Variants in TRANK1 observed in about 807,000 individuals in gnomAD.
TRANK1 encodes TPR and ankyrin repeat-containing protein 1.
In TRANK1, 198 loss-of-function variants were observed where a neutral mutation model predicts 266.0. The observed-to-expected ratio is 0.74, with a 90% confidence interval of 0.66 to 0.84. The LOEUF is 0.84. TRANK1 is among the 40% of genes least tolerant of loss of function. The probability of loss-of-function intolerance (pLI) is 0.00; values close to 1 mark genes in which losing one functional copy is unlikely to be tolerated. For synonymous variants in TRANK1, 1,396 were observed against 1,384.1 expected (o/e 1.01, Z -0.19); for missense variants, 3,326 against 3,634.6 (o/e 0.92, Z 2.18).
Position 36,851,790 on chromosome 3 carries a change from G to A in TRANK1, c.4816C>T (p.Leu1606=). The A allele has an allele frequency of 6.2e-7, 1 of 1,612,328 alleles. No individual in the cohort carries two copies. Among genetic ancestry groups the A allele is most frequent in the African/African-American group, 1.3e-5 (1 of 75,014 alleles). ...IPEELGLALV[L]TIYEAKGLEF... ...AAGCCTTTTGCTTCATAAATTGTTA[G>A]CACAAGTGCTAACCCCAGCTCTTCT... is the stretch of plus-strand genomic sequence containing the variant. Residue 1606 remains leucine (L), a synonymous_variant, in exon 15 of 24, where the codon CTA becomes TTA. Transcript: ENST00000645898.
chr3:36,879,105 G>C (rs1045554190), intron 8 of TRANK1, among the ~76,000 whole-genome samples: 1 of 151,550 alleles, frequency 6.6e-6, no homozygotes, highest in Admixed American at 6.6e-5. Context: ...CAGAATGATG[G>C]CATATTAGAA....
chr3:36,897,159 G>A (rs953461798), intron 4 of TRANK1, among the ~76,000 whole-genome samples: 8 of 150,908 alleles, frequency 5.3e-5, no homozygotes, highest in African/African-American at 9.8e-5. Context: ...AAAATTAGCC[G>A]GACGTGGTGG....
chr3:36,899,273 A>G lies in TRANK1; in HGVS notation c.283-14T>C. The G allele has an allele frequency of 1.3e-6, 2 of 1,535,962 alleles. No homozygotes were observed. The highest frequency in any genetic ancestry group is 1.2e-5 in the South Asian group (1 of 83,874). On this transcript the variant is annotated splice_polypyrimidine_tract_variant and intron_variant, in intron 3 of 23. Transcript: ENST00000645898. ...TCGGTAGTATCCCTGGAACAGGATA[A>G]AAAGCAAAACTGTCATGTACCACAT... is the stretch of plus-strand genomic sequence containing the variant.
chr3:36,899,786 G>A (rs547939633), intron 3 of TRANK1, among the ~76,000 whole-genome samples: 1 of 152,326 alleles, frequency 6.6e-6, no homozygotes, highest in Non-Finnish European at 1.5e-5. Flanking sequence ...GACTTACATA[G>A]CATCTAACAT....
Position 36,872,323 on chromosome 3 carries a change from C to T in TRANK1, c.1078+1803G>A, listed in dbSNP as rs879339853. Among the ~76,000 whole-genome samples, 10 of 152,218 alleles carry T rather than the reference C, an allele frequency of 6.6e-5. No homozygotes were observed. In the East Asian group the frequency reaches 1.9e-3, roughly 29 times the overall value. On this transcript the variant is annotated intron_variant, in intron 9 of 23. Transcript: ENST00000645898. Reference sequence around the variant, plus strand: ...GGCTGAGGCAGGAGAATCACTTGAACCTGGGAGATGGGAGGTTGCAATGAG... The same window carrying T: ...GGCTGAGGCAGGAGAATCACTTGAATCTGGGAGATGGGAGGTTGCAATGAG...
intron 1 of TRANK1, among the ~76,000 whole-genome samples, chr3:36,924,858 C>T (rs1019243417): frequency 6.6e-6 from 1 of 152,066 alleles, no homozygotes; most frequent in Non-Finnish European, 1.5e-5. Flanking sequence ...GCCAAAGGAG[C>T]CCCCCCGGAC....
At chr3:36,861,270 G>A in intron 10 of TRANK1, 110 bp from the exon 11 acceptor site, 1 of 1,327,266 alleles carries the variant, frequency 7.5e-7, no homozygotes, top group Non-Finnish European at 1.0e-6. Flanking sequence ...ATATAAACAA[G>A]TAGTTGATTA....
At chr3:36,842,773 A>T (rs1011435188) in intron 17 of TRANK1, 63 bp from the exon 18 acceptor site, 2 of 1,452,706 alleles carry the variant, frequency 1.4e-6, no homozygotes, top group South Asian at 1.2e-5. Context: ...AACTGTTGTT[A>T]TGGGCTGAGT....
At chr3:36,905,041 G>A (rs954923577) in intron 2 of TRANK1, among the ~76,000 whole-genome samples, 1 of 151,582 alleles carries the variant, frequency 6.6e-6, no homozygotes, top group Admixed American at 6.6e-5. Flanking sequence ...TGTAATCCCA[G>A]CACTTTAGGA....
intron 9 of TRANK1, among the ~76,000 whole-genome samples, chr3:36,872,357 G>T (rs1003140363): frequency 7.2e-5 from 11 of 152,034 alleles, no homozygotes; most frequent in Non-Finnish European, 1.6e-4. Context: ...AGCTGAGATC[G>T]CATCACTGCA....
At chr3:36,874,406 C>G (rs2079355845) in intron 8 of TRANK1, 110 bp from the exon 9 acceptor site, 1 of 1,200,866 alleles carries the variant, frequency 8.3e-7, no homozygotes, top group Admixed American at 2.8e-5. Flanking sequence ...GGCAAGAGGA[C>G]TAGGGTCTTC....
At chr3:36,921,045 C>T (rs1277977761) in intron 1 of TRANK1, among the ~76,000 whole-genome samples, 2 of 152,204 alleles carry the variant, frequency 1.3e-5, no homozygotes, top group Non-Finnish European at 2.9e-5. Flanking sequence ...CTCCTGGTCA[C>T]CTGCTCCATC....
chr3:36,892,211 T>C lies in TRANK1; in HGVS notation c.766A>G (p.Ile256Val), dbSNP rs1439062366. Residue 256 changes from isoleucine to valine, a missense_variant, in exon 7 of 24, where the codon ATC (isoleucine) becomes GTC (valine). Physicochemically the swap from Ile to Val is conservative, Grantham distance 29 (BLOSUM62 3). Coordinates refer to ENST00000645898, the MANE Select transcript of TRANK1 (RefSeq NM_001329998.2). ...CTGGGAGAAGACTCACTGGCTTGGA[T>C]ACAGAGTCGCATGAGGGCATGAAGG... ...YPLHALMRLC[I>V]QARENHLFRW... 1.6e-5 allele frequency: 25 copies of C among 1,536,930 alleles called. No homozygotes were observed. The highest frequency in any genetic ancestry group is 2.1e-5 in the Non-Finnish European group (24 of 1,146,774).
chr3:36,853,243 G>T (rs953709236), intron 13 of TRANK1, among the ~76,000 whole-genome samples: 1 of 152,188 alleles, frequency 6.6e-6, no homozygotes, highest in Admixed American at 6.5e-5. Context: ...GGTCTGAGAA[G>T]CTAATAGATA....
intron 18 of TRANK1, 84 bp from the exon 19 acceptor site, chr3:36,838,800 G>C (rs963749755): frequency 1.7e-5 from 23 of 1,345,478 alleles, no homozygotes; most frequent in Admixed American, 6.1e-5. Flanking sequence ...TTATAAGTTT[G>C]TACTGACAAA....
At position 36,857,838 on chromosome 3, in the gene TRANK1, G is replaced by A. The variant is rs1216768957; in HGVS notation, c.1884C>T (p.Gly628=). 6.2e-7 allele frequency: 1 copy of A among 1,610,262 alleles called. No homozygotes were observed. Among genetic ancestry groups the A allele is most frequent in the East Asian group, 2.2e-5 (1 of 44,726 alleles). The change falls in exon 13 of 24, where the codon GGC becomes GGT. Residue 628 remains glycine (G), a synonymous_variant. Coordinates refer to ENST00000645898, the MANE Select transcript of TRANK1 (RefSeq NM_001329998.2). The surrounding 1 kb of genome is among the most constrained non-coding windows in gnomAD (Gnocchi z 4.3). ...DINFNLKNKE[G]KDARHRIKKN... The stretch of plus-strand genomic sequence containing the variant: ...TCTTAATCCGGTGCCGTGCATCTTT[G>A]CCCTCTTTGTTCTTCAGATTGAAGT...
At chr3:36,870,431 A>G (rs2079290959) in intron 9 of TRANK1, among the ~76,000 whole-genome samples, 1 of 151,116 alleles carries the variant, frequency 6.6e-6, no homozygotes. Context: ...AGAGAGAGAG[A>G]GAGAGAGAGT....
chr3:36,912,695 G>C (rs2080069427), intron 1 of TRANK1, among the ~76,000 whole-genome samples: 1 of 152,100 alleles, frequency 6.6e-6, no homozygotes, highest in South Asian at 2.1e-4. Flanking sequence ...TGGGTTTTAT[G>C]ACTCATTGTG....
In TRANK1 at chr3:36,838,408, G is replaced by A. The variant is rs559530105; in HGVS notation, c.5481C>T (p.Phe1827=). The A allele has an allele frequency of 8.1e-6, 13 of 1,614,044 alleles. No homozygotes were observed. Among genetic ancestry groups the A allele is most frequent in the South Asian group, 2.2e-5 (2 of 91,088 alleles). The change falls in exon 20 of 24, where the codon TTC becomes TTT. Residue 1827 remains phenylalanine (F), a synonymous_variant. Transcript: ENST00000645898. ...TCTCGCACAGCTGGGCAGAGAGCTGGAACTCCTTGGCATAGCTCAGACACT... is the reference window on the plus strand; with the variant it reads ...TCTCGCACAGCTGGGCAGAGAGCTGAAACTCCTTGGCATAGCTCAGACACT... ...SLKCLSYAKE[F]QLSAQLCERL... is the part of the protein sequence containing the mutation.
Sources: allele counts gnomAD v4.1 joint callset (sites outside exome capture counted in the v4.1 genomes callset), GRCh38; gene constraint gnomAD v4.1.1; non-coding constraint Gnocchi (gnomAD v3.1); transcripts MANE v1.5; gene names NCBI Gene and HGNC (gene_info 2026-07-23, HGNC 2026-07-21).